ATXN1: variants seen among roughly 807,000 people sequenced by gnomAD.
The protein encoded by ATXN1 is ataxin 1, also known as ataxin-1.
In ATXN1, 8 loss-of-function variants were observed where a neutral mutation model predicts 56.4. The ratio of observed to expected loss-of-function variants is 0.14; its 90% CI spans 0.08 to 0.26. The LOEUF (loss-of-function observed/expected upper bound fraction) is 0.26. Ranked by LOEUF, ATXN1 falls within the 10% of genes least tolerant of loss-of-function variation. ATXN1 has a pLI of 1.00. For missense variants in ATXN1, 987 were observed against 1,106.5 expected (o/e 0.89, Z 1.53); for synonymous variants, 514 against 494.6 (o/e 1.04, Z -0.52).
chr6:16,677,828 T>C (rs1758719345), intron 2 of ATXN1, among the ~76,000 whole-genome samples: 1 of 152,246 alleles, frequency 6.6e-6, no homozygotes, highest in Non-Finnish European at 1.5e-5. Flanking sequence ...CTGCTCTTAA[T>C]TCATTCTGTT....
At chr6:16,334,303 A>C (rs1273133044) in intron 6 of ATXN1, among the ~76,000 whole-genome samples, 1 of 152,232 alleles carries the variant, frequency 6.6e-6, no homozygotes, top group Non-Finnish European at 1.5e-5. Flanking sequence ...CAATTAGCCT[A>C]CTAGCAGGGT....
intron 6 of ATXN1, chr6:16,485,191 A>G (rs1159133278): frequency 6.6e-6 from 1 of 152,150 alleles, no homozygotes; most frequent in Non-Finnish European, 1.5e-5. Context: ...TTCCTGGTCA[A>G]AATCTCCTAA....
At chr6:16,738,261 A>C (rs558806244) in intron 2 of ATXN1, 10 of 152,352 alleles carry the variant, frequency 6.6e-5, no homozygotes, top group Non-Finnish European at 1.3e-4. Flanking sequence ...ATGGAGAATA[A>C]AAACAGAACT....
chr6:16,546,882 A>T (rs565384555), intron 4 of ATXN1, among the ~76,000 whole-genome samples: 101 of 152,362 alleles, frequency 6.6e-4, no homozygotes, highest in Non-Finnish European at 1.1e-3. Context: ...TTTTCACATA[A>T]AAATTAGAAC....
intron 6 of ATXN1, among the ~76,000 whole-genome samples, chr6:16,363,093 T>C (rs764266309): frequency 1.3e-5 from 2 of 152,236 alleles, no homozygotes; most frequent in Non-Finnish European, 2.9e-5. Context: ...TCCCTTATCA[T>C]GTTATTTCAC....
intron 6 of ATXN1, among the ~76,000 whole-genome samples, chr6:16,333,047 G>A (rs1322451822): frequency 2.0e-5 from 3 of 152,172 alleles, no homozygotes; most frequent in African/African-American, 7.2e-5. Flanking sequence ...CTTCCTAATG[G>A]AGCAGGCACT....
chr6:16,474,188 T>A (rs2113642511), intron 6 of ATXN1, among the ~76,000 whole-genome samples: 2 of 152,370 alleles, frequency 1.3e-5, no homozygotes, highest in South Asian at 4.1e-4. Flanking sequence ...GTTGTCCTCA[T>A]GTGACTAGAG....
intron 3 of ATXN1, among the ~76,000 whole-genome samples, chr6:16,639,596 G>C (rs1488713980): frequency 6.6e-6 from 1 of 151,646 alleles, no homozygotes; most frequent in African/African-American, 2.4e-5. Flanking sequence ...TTACAGGCCT[G>C]AGCCATTGCG....
At position 16,461,510 on chromosome 6, in the gene ATXN1, A is replaced by C. The variant is rs147820523; in HGVS notation, c.-161+24462T>G. On this transcript the variant is annotated intron_variant, in intron 6 of 7. Transcript: ENST00000436367. ...TAAGGCCCCTTTTGGGGAACAAAGAATAGGTCACTATCCTGGAGAGGACTG... is the reference window on the plus strand; with the variant it reads ...TAAGGCCCCTTTTGGGGAACAAAGACTAGGTCACTATCCTGGAGAGGACTG... Among the ~76,000 whole-genome samples the C allele has an allele frequency of 1.6e-4, 25 of 152,348 alleles. No homozygotes were observed. In the East Asian group the frequency reaches 4.8e-3, roughly 29 times the overall value.
chr6:16,655,042 G>A (rs112649636), intron 3 of ATXN1, among the ~76,000 whole-genome samples: 2,276 of 152,300 alleles, frequency 0.015, 28 homozygotes, highest in Middle Eastern at 0.065. Flanking sequence ...GAAAGGGGAT[G>A]TTTAGTAAGA....
intron 6 of ATXN1, among the ~76,000 whole-genome samples, chr6:16,337,837 A>G (rs1761157348): frequency 2.0e-5 from 3 of 152,110 alleles, no homozygotes; most frequent in African/African-American, 4.8e-5. Flanking sequence ...AGCCCTCTTC[A>G]TTATCTTATT....
At chr6:16,718,618 A>G (rs1446107285) in intron 2 of ATXN1, among the ~76,000 whole-genome samples, 1 of 152,230 alleles carries the variant, frequency 6.6e-6, no homozygotes, top group East Asian at 1.9e-4. Flanking sequence ...TAGGAATTAA[A>G]TATATTATGC....
intron 3 of ATXN1, among the ~76,000 whole-genome samples, chr6:16,599,517 C>T (rs1023352071): frequency 6.6e-6 from 1 of 151,936 alleles, no homozygotes; most frequent in South Asian, 2.1e-4. Context: ...TCGAAACCAT[C>T]CTGGCCAACA....
chr6:16,676,486 T>C (rs570104654), intron 2 of ATXN1, among the ~76,000 whole-genome samples: 94 of 152,306 alleles, frequency 6.2e-4, no homozygotes, highest in South Asian at 5.6e-3. Context: ...CATTGAAACA[T>C]CTTACTTCTT....
At chr6:16,344,457 C>T (rs979166730) in intron 6 of ATXN1, among the ~76,000 whole-genome samples, 8 of 152,180 alleles carry the variant, frequency 5.3e-5, no homozygotes, top group Non-Finnish European at 1.0e-4. Context: ...TAATCAGCTG[C>T]CAGTGAGGCT....
intron 6 of ATXN1, among the ~76,000 whole-genome samples, chr6:16,454,815 G>T (rs1759832305): frequency 6.6e-6 from 1 of 152,164 alleles, no homozygotes. Flanking sequence ...AGAAATTAAT[G>T]CAAAAGAACC....
At chr6:16,629,169 G>A (rs1581310330) in intron 3 of ATXN1, among the ~76,000 whole-genome samples, 1 of 152,126 alleles carries the variant, frequency 6.6e-6, no homozygotes, top group Non-Finnish European at 1.5e-5. Context: ...CAGCCATTCT[G>A]ACTGGTATGA....
intron 6 of ATXN1, among the ~76,000 whole-genome samples, chr6:16,443,884 A>C (rs1453885559): frequency 6.6e-6 from 1 of 152,170 alleles, no homozygotes; most frequent in Admixed American, 6.5e-5. Context: ...TGGGAGGCCA[A>C]GGAGGGCCGA....
intron 3 of ATXN1, among the ~76,000 whole-genome samples, chr6:16,653,990 G>A (rs1758135196): frequency 1.3e-5 from 2 of 152,158 alleles, no homozygotes; most frequent in African/African-American, 4.8e-5. Flanking sequence ...TGAGTTTCCT[G>A]GGTTCTACAT....
Sources: allele counts gnomAD v4.1 joint callset (sites outside exome capture counted in the v4.1 genomes callset), GRCh38; gene constraint gnomAD v4.1.1; transcripts MANE v1.5; gene names NCBI Gene and HGNC (gene_info 2026-07-23, HGNC 2026-07-21).